Variants in TMEM132D observed in about 807,000 individuals in gnomAD.
TMEM132D encodes the protein mature OL transmembrane protein.
In TMEM132D, 21 loss-of-function variants were observed where a neutral mutation model predicts 62.3. That is an observed-to-expected ratio of 0.34 (90% CI 0.24 to 0.49). The LOEUF is 0.49. TMEM132D is among the 20% of genes least tolerant of loss of function. The pLI is 0.99. For synonymous variants in TMEM132D, 621 were observed against 575.6 expected (o/e 1.08, Z -1.13); for missense variants, 1,346 against 1,402.8 (o/e 0.96, Z 0.65).
At chr12:129,883,083 A>T (rs1451888742) in intron 1 of TMEM132D, among the ~76,000 whole-genome samples, 1 of 152,228 alleles carries the variant, frequency 6.6e-6, no homozygotes, top group African/African-American at 2.4e-5. Context: ...ACAGGCATAA[A>T]GACTGAAAAG....
chr12:129,091,291 G>A (rs1312862443), intron 5 of TMEM132D, among the ~76,000 whole-genome samples: 1 of 150,942 alleles, frequency 6.6e-6, no homozygotes, highest in African/African-American at 2.4e-5. Context: ...AACTCACATG[G>A]TCTCTGGGGA....
At chr12:129,709,103 T>G (rs936487521) in intron 1 of TMEM132D, among the ~76,000 whole-genome samples, 1 of 152,058 alleles carries the variant, frequency 6.6e-6, no homozygotes, top group East Asian at 1.9e-4. Flanking sequence ...GACCAAGAGT[T>G]TTTTAATGGT....
At chr12:129,808,673 A>G (rs1023880145) in intron 1 of TMEM132D, among the ~76,000 whole-genome samples, 1 of 152,234 alleles carries the variant, frequency 6.6e-6, no homozygotes, top group Non-Finnish European at 1.5e-5. Context: ...ACCTGAAACC[A>G]AGAAACCAAG....
intron 3 of TMEM132D, among the ~76,000 whole-genome samples, chr12:129,462,160 A>G (rs907637843): frequency 3.3e-5 from 5 of 152,182 alleles, no homozygotes; most frequent in African/African-American, 7.2e-5. Flanking sequence ...AGAAATAAAC[A>G]AACTGAGGCA....
intron 2 of TMEM132D, among the ~76,000 whole-genome samples, chr12:129,582,933 T>TTTTTGTTTTG (rs368105172): frequency 0.017 from 2,630 of 150,904 alleles, 79 homozygotes; most frequent in African/African-American, 0.061. Context: ...CCGAGTTTGT[T>TTTTTGTTTTG]TTTTGTTTTG....
At chr12:129,301,824 G>T (rs1233542155) in intron 4 of TMEM132D, among the ~76,000 whole-genome samples, 1 of 152,132 alleles carries the variant, frequency 6.6e-6, no homozygotes, top group Non-Finnish European at 1.5e-5. Context: ...AACAGACACA[G>T]GATTCACCAT....
chr12:129,275,898 G>C (rs1566019471), intron 4 of TMEM132D, among the ~76,000 whole-genome samples: 1 of 152,196 alleles, frequency 6.6e-6, no homozygotes, highest in Admixed American at 6.5e-5. Context: ...AGCCTAGAGG[G>C]CTGTGAGGTC....
chr12:129,155,369 T>C (rs534492002), intron 5 of TMEM132D, among the ~76,000 whole-genome samples: 3 of 152,238 alleles, frequency 2.0e-5, no homozygotes, highest in Non-Finnish European at 4.4e-5. Context: ...GTTAGTTTTG[T>C]ATAAAAAGCA....
intron 5 of TMEM132D, among the ~76,000 whole-genome samples, chr12:129,187,481 C>T (rs1042777356): frequency 6.6e-6 from 1 of 152,074 alleles, no homozygotes; most frequent in African/African-American, 2.4e-5. Flanking sequence ...AGGGGAGAAC[C>T]AGAATGAAAG....
At chr12:129,476,441 C>CTTA (rs1183559898) in intron 3 of TMEM132D, among the ~76,000 whole-genome samples, 5 of 152,202 alleles carry the variant, frequency 3.3e-5, no homozygotes, top group African/African-American at 1.2e-4. Context: ...TCCCAACAGG[C>CTTA]TTATCTCTGT....
intron 3 of TMEM132D, among the ~76,000 whole-genome samples, chr12:129,455,376 A>C (rs1212114164): frequency 6.6e-6 from 1 of 152,240 alleles, no homozygotes; most frequent in East Asian, 1.9e-4. Context: ...GGATAATCAT[A>C]GCATTTATCT....
intron 3 of TMEM132D, among the ~76,000 whole-genome samples, chr12:129,354,799 G>A (rs944040628): frequency 1.3e-5 from 2 of 152,114 alleles, no homozygotes; most frequent in Non-Finnish European, 2.9e-5. Context: ...GCTAATAAAC[G>A]GAGGAGTCAA....
intron 5 of TMEM132D, among the ~76,000 whole-genome samples, chr12:129,148,750 C>A (rs1358478883): frequency 1.3e-5 from 2 of 152,200 alleles, no homozygotes; most frequent in African/African-American, 4.8e-5. Context: ...CTCCCCATCC[C>A]CTCCTCCACA....
chr12:129,235,588 G>C (rs904581893), intron 4 of TMEM132D, among the ~76,000 whole-genome samples: 4 of 152,044 alleles, frequency 2.6e-5, no homozygotes, highest in African/African-American at 9.7e-5. Flanking sequence ...TCACAACTTG[G>C]TTCCATATTC....
intron 1 of TMEM132D, among the ~76,000 whole-genome samples, chr12:129,717,494 A>T (rs943503427): frequency 6.7e-6 from 1 of 149,674 alleles, no homozygotes; most frequent in African/African-American, 2.4e-5. Context: ...TAAAATTAAT[A>T]AAAATATTTA....
intron 3 of TMEM132D, among the ~76,000 whole-genome samples, chr12:129,508,819 G>T (rs866706828): frequency 1.1e-4 from 16 of 152,104 alleles, no homozygotes; most frequent in African/African-American, 3.1e-4. Flanking sequence ...ACGCATTGAT[G>T]AAAATTGCAG....
intron 5 of TMEM132D, among the ~76,000 whole-genome samples, chr12:129,148,772 G>T (rs1451431619): frequency 6.6e-6 from 1 of 152,212 alleles, no homozygotes; most frequent in African/African-American, 2.4e-5. Flanking sequence ...CTGCATGCCA[G>T]GGCTGGTAAG....
intron 4 of TMEM132D, among the ~76,000 whole-genome samples, chr12:129,238,866 A>G (rs1023307816): frequency 1.3e-5 from 2 of 152,222 alleles, no homozygotes; most frequent in African/African-American, 4.8e-5. Flanking sequence ...TCTGGATCAT[A>G]GGGTTATTCT....
At chr12:129,178,645 A>G (rs1877976404) in intron 5 of TMEM132D, among the ~76,000 whole-genome samples, 1 of 152,210 alleles carries the variant, frequency 6.6e-6, no homozygotes. Flanking sequence ...CAAACACTTC[A>G]AGAGGGTAAA....
Sources: gnomAD v4.1 joint callset for allele counts (sites outside exome capture counted in the v4.1 genomes callset) on GRCh38, gnomAD v4.1.1 for gene constraint, MANE v1.5 for transcripts, NCBI Gene and HGNC (gene_info 2026-07-23, HGNC 2026-07-21) for gene names.